CNTN5: variants seen among roughly 807,000 people sequenced by gnomAD.
CNTN5 encodes the protein contactin 5.
Under a neutral mutation model 129.1 loss-of-function variants are expected in CNTN5, and 77 were observed. The ratio of observed to expected loss-of-function variants is 0.60; its 90% CI spans 0.50 to 0.72. The LOEUF (loss-of-function observed/expected upper bound fraction) is 0.72, where lower values mean the gene tolerates loss of function less well. Ranked by LOEUF, CNTN5 falls within the 30% of genes least tolerant of loss-of-function variation. CNTN5 has a pLI of 0.00. For synonymous variants in CNTN5, 509 were observed against 465.6 expected (o/e 1.09, Z -1.20); for missense variants, 1,478 against 1,328.8 (o/e 1.11, Z -1.75).
intron 21 of CNTN5, among the ~76,000 whole-genome samples, chr11:100,339,082 T>C (rs1207692206): frequency 6.6e-6 from 1 of 152,056 alleles, no homozygotes; most frequent in Non-Finnish European, 1.5e-5. Flanking sequence ...CCTGTGACCC[T>C]GAAACCCCAG....
chr11:99,574,058 C>T (rs547212400), intron 3 of CNTN5, among the ~76,000 whole-genome samples: 3 of 152,012 alleles, frequency 2.0e-5, no homozygotes, highest in African/African-American at 2.4e-5. Flanking sequence ...CTCCCTATAC[C>T]CCCCACTCCC....
intron 3 of CNTN5, among the ~76,000 whole-genome samples, chr11:99,782,867 C>T (rs1409045819): frequency 1.9e-4 from 29 of 151,640 alleles, no homozygotes; most frequent in African/African-American, 5.6e-4. Flanking sequence ...CCTAAAACCA[C>T]AAAAACCCTA....
Position 99,787,083 on chromosome 11 carries a change from A to G in CNTN5, c.56-32461A>G, listed in dbSNP as rs974339258. Among the ~76,000 whole-genome samples the G allele has an allele frequency of 6.4e-5, 6 of 93,222 alleles. No homozygotes were observed. The South Asian group carries it at 2.3e-3, about 35-fold the overall frequency. 61.2% of individuals were successfully genotyped at this position (93,222 alleles called of 152,430 possible). ...TGATAGTTTTTCATTTGCTTCTGAA[A>G]CTACATGTTTTTTTTTTGTTTTTTA... On this transcript the variant is annotated intron_variant, in intron 3 of 24. Transcript: ENST00000524871.
chr11:99,479,957 C>T (rs1945527481), intron 2 of CNTN5, among the ~76,000 whole-genome samples: 1 of 151,192 alleles, frequency 6.6e-6, no homozygotes, highest in African/African-American at 2.4e-5. Flanking sequence ...TTCCCAATGG[C>T]ATAAAAAGAA....
intron 1 of CNTN5, among the ~76,000 whole-genome samples, chr11:99,076,420 C>T (rs1439741901): frequency 2.0e-5 from 3 of 152,092 alleles, no homozygotes; most frequent in East Asian, 1.9e-4. Context: ...TCTTAACACT[C>T]CCAAATATAT....
Position 99,937,040 on chromosome 11 carries a change from C to T in CNTN5, c.674-19766C>T, listed in dbSNP as rs529816191. ...AGGTAGGTCTCCATATTTTATTCTC[C>T]TGCTAAAAACACTAAAGGAAAAAGA... On this transcript the variant is annotated intron_variant, in intron 7 of 24. Coordinates refer to ENST00000524871, the MANE Select transcript of CNTN5 (RefSeq NM_014361.4). Among the ~76,000 whole-genome samples the T allele has an allele frequency of 3.3e-5, 5 of 152,206 alleles. No homozygotes were observed. The South Asian group carries it at 1.0e-3, about 32-fold the overall frequency.
rs1948655838 is a variant in CNTN5 at position 99,556,153 on chromosome 11, T to A, written c.-62T>A. On this transcript the variant is annotated 5_prime_UTR_variant, in exon 3 of 25. Coordinates refer to ENST00000524871, the MANE Select transcript of CNTN5 (RefSeq NM_014361.4). ...TTATCTATCTCAAACAGGGCACTCT[T>A]TAATGAAGAAACACCAGAGCTGTTA... The A allele has an allele frequency of 1.0e-6, 1 of 978,616 alleles. No homozygotes were observed. The highest frequency in any genetic ancestry group is 2.8e-5 in the Admixed American group (1 of 35,468). 60.6% of individuals were successfully genotyped at this position (978,616 alleles called of 1,614,324 possible).
At chr11:99,287,703 G>T (rs568882456) in intron 1 of CNTN5, among the ~76,000 whole-genome samples, 1 of 151,902 alleles carries the variant, frequency 6.6e-6, no homozygotes, top group South Asian at 2.1e-4. Context: ...TTATGCATAC[G>T]ATTAGGAGCC....
At chr11:99,522,137 T>C (rs1163115761) in intron 2 of CNTN5, among the ~76,000 whole-genome samples, 1 of 152,060 alleles carries the variant, frequency 6.6e-6, no homozygotes, top group African/African-American at 2.4e-5. Flanking sequence ...TATGGTAAGA[T>C]TTGGAGACAG....
intron 23 of CNTN5, among the ~76,000 whole-genome samples, chr11:100,346,112 G>A (rs1362267668): frequency 6.6e-6 from 1 of 151,966 alleles, no homozygotes; most frequent in Admixed American, 6.6e-5. Flanking sequence ...ATAAATGATT[G>A]GGAAAATGAA....
chr11:100,055,174 G>T (rs962154643), intron 9 of CNTN5, among the ~76,000 whole-genome samples: 4 of 151,054 alleles, frequency 2.6e-5, no homozygotes, highest in African/African-American at 9.7e-5. Context: ...ACTATTTTAT[G>T]ATTTTGTCAT....
chr11:99,925,416 G>A (rs567359745), intron 7 of CNTN5, among the ~76,000 whole-genome samples: 10 of 152,310 alleles, frequency 6.6e-5, no homozygotes, highest in Admixed American at 3.3e-4. Flanking sequence ...CAAACATAGT[G>A]TATAATGCAT....
At chr11:99,656,664 C>T (rs1302450668) in intron 3 of CNTN5, among the ~76,000 whole-genome samples, 2 of 152,084 alleles carry the variant, frequency 1.3e-5, no homozygotes, top group Admixed American at 1.3e-4. Context: ...CCCAGAGATG[C>T]CAGTCTCAGC....
intron 2 of CNTN5, among the ~76,000 whole-genome samples, chr11:99,401,601 A>T (rs1016272911): frequency 1.3e-5 from 2 of 152,008 alleles, no homozygotes; most frequent in Admixed American, 6.6e-5. Flanking sequence ...TTAGAATTTC[A>T]AAATATTTCT....
rs144868599 is a variant in CNTN5, at chr11:99,857,124, C to T, written c.577+11862C>T. ...TTTCTGTCTGTCTCTCCCTTTGTCT[C>T]ATATGATTCCTTTATTTATTTCTGG... On this transcript the variant is annotated intron_variant, in intron 6 of 24. Transcript: ENST00000524871. 6.0e-3 allele frequency among the ~76,000 whole-genome samples: 898 copies of T among 150,670 alleles called. 5 individuals carry two copies. Among genetic ancestry groups the T allele is most frequent in the African/African-American group, 0.02 (836 of 41,064 alleles).
intron 21 of CNTN5, among the ~76,000 whole-genome samples, chr11:100,322,585 T>C (rs990504751): frequency 4.6e-5 from 7 of 152,184 alleles, no homozygotes; most frequent in African/African-American, 1.2e-4. Flanking sequence ...CATTCTACCA[T>C]TGACATACAT....
At chr11:99,820,798 G>A (rs1946777953) in intron 4 of CNTN5, among the ~76,000 whole-genome samples, 1 of 152,186 alleles carries the variant, frequency 6.6e-6, no homozygotes, top group Admixed American at 6.5e-5. Context: ...TTTAAGACTA[G>A]TACACTTAGG....
intron 2 of CNTN5, among the ~76,000 whole-genome samples, chr11:99,325,856 A>C (rs572845432): frequency 6.6e-6 from 1 of 152,292 alleles, no homozygotes; most frequent in Non-Finnish European, 1.5e-5. Flanking sequence ...TTCTCAACCG[A>C]CATATAATGT....
chr11:99,695,104 A>G (rs1954213327), intron 3 of CNTN5, among the ~76,000 whole-genome samples: 1 of 152,084 alleles, frequency 6.6e-6, no homozygotes, highest in African/African-American at 2.4e-5. Flanking sequence ...AATCCCACCA[A>G]TTCATGATCT....
Sources: allele counts gnomAD v4.1 joint callset (sites outside exome capture counted in the v4.1 genomes callset), GRCh38; gene constraint gnomAD v4.1.1; transcripts MANE v1.5; gene names NCBI Gene and HGNC (gene_info 2026-07-23, HGNC 2026-07-21).